The following CDH1 variants were observed in gnomAD, a reference collection of about 807,000 sequenced individuals.
CDH1 encodes the protein cadherin 1, also known as cadherin-1.
A neutral mutation model predicts 84.5 loss-of-function variants in CDH1; 35 were observed. The ratio of observed to expected loss-of-function variants is 0.41; its 90% CI spans 0.32 to 0.55. The LOEUF (loss-of-function observed/expected upper bound fraction) is 0.55, where lower values mean the gene tolerates loss of function less well. CDH1 is among the 20% of genes least tolerant of loss of function. The probability of loss-of-function intolerance (pLI) is 0.19; values close to 1 mark genes in which losing one functional copy is unlikely to be tolerated. For missense variants in CDH1, 994 were observed against 1,126.6 expected (o/e 0.88, Z 1.68); for synonymous variants, 417 against 439.0 (o/e 0.95, Z 0.63).
intron 2 of CDH1, among the ~76,000 whole-genome samples, chr16:68,760,378 C>T (rs980311373): frequency 4.0e-5 from 6 of 148,814 alleles, no homozygotes; most frequent in Admixed American, 1.4e-4. Flanking sequence ...CCTCCCAAAG[C>T]ACTGGGATTA....
At chr16:68,823,073 A>C in intron 12 of CDH1, 2 of 309,836 alleles carry the variant, frequency 6.5e-6, no homozygotes, top group African/African-American at 4.4e-5. Flanking sequence ...CGGGCTGGGC[A>C]AAAAGGTTCA....
In CDH1 at chr16:68,737,332, G is replaced by A. The variant is rs374268061; in HGVS notation, c.-84G>A. On this transcript the variant is annotated 5_prime_UTR_variant, in exon 1 of 16. Coordinates refer to ENST00000261769, the MANE Select transcript of CDH1 (RefSeq NM_004360.5). The stretch of plus-strand genomic sequence containing the variant: ...GCAAAGCACCTGTGAGCTTGCGGAA[G>A]TCAGTTCAGACTCCAGCCCGCTCCA... 831 of 1,174,648 alleles carry A rather than the reference G, an allele frequency of 7.1e-4. 13 individuals are homozygous for A. The African/African-American group carries it at 0.012, about 17-fold the overall frequency. 72.8% of individuals were successfully genotyped at this position (1,174,648 alleles called of 1,614,324 possible). A position where few individuals can be genotyped will look rare whatever the true frequency, so the allele number is the denominator to read the frequency against.
chr16:68,792,269 G>A lies in CDH1; in HGVS notation c.164-9401G>A, dbSNP rs376304347. On this transcript the variant is annotated intron_variant, in intron 2 of 15. Transcript: ENST00000261769. ...TTTTGAGATGGAGTCTTGCTCTGTC[G>A]CCCAGGCTGGAGGGCAGTGGCGCAA... Among the ~76,000 whole-genome samples, 25 of 143,952 alleles carry A rather than the reference G, an allele frequency of 1.7e-4. No individual in the cohort carries two copies. The East Asian group carries it at 3.2e-3, about 19-fold the overall frequency. 94.4% of individuals were successfully genotyped at this position (143,952 alleles called of 152,430 possible).
At chr16:68,739,610 T>A (rs1156876394) in intron 2 of CDH1, among the ~76,000 whole-genome samples, 14 of 246 alleles carry the variant, frequency 0.057, no homozygotes, top group South Asian at 0.32. Context: ...GAATAATGAT[T>A]TTTTTTTTTT....
intron 14 of CDH1, among the ~76,000 whole-genome samples, chr16:68,829,183 T>C (rs1961410524): frequency 1.3e-5 from 2 of 152,228 alleles, no homozygotes; most frequent in African/African-American, 4.8e-5. Flanking sequence ...TGAATGGCTC[T>C]AACCTGTGAA....
In CDH1 at chr16:68,833,298, A is replaced by C. The variant is rs762704513; in HGVS notation, c.2448A>C (p.Lys816Asn). 7 of 1,613,984 alleles carry C rather than the reference A, an allele frequency of 4.3e-6. No homozygotes were observed. In the South Asian group the frequency reaches 7.7e-5, roughly 18 times the overall value. ...EIGNFIDENL[K>N]AADTDPTAPP... ...TGTCCCTTCTTCTTTAGAATCTGAA[A>C]GCGGCTGATACTGACCCCACAGCCC... Residue 816 changes from lysine (K) to asparagine (N), a missense_variant, in exon 16 of 16, where the codon AAA becomes AAC. Around this residue, in one of 3 missense-constraint regions of CDH1, gnomAD observed 769 missense variants for 881.8 expected, o/e 0.87. Coordinates refer to ENST00000261769, the MANE Select transcript of CDH1 (RefSeq NM_004360.5).
intron 5 of CDH1, 120 bp from the exon 6 acceptor site, chr16:68,810,077 G>C: frequency 1.0e-6 from 1 of 973,956 alleles, no homozygotes; most frequent in South Asian, 1.3e-5. Context: ...TCACCCACTG[G>C]GGGTCTCAGA....
At chr16:68,789,912 C>G (rs981909804) in intron 2 of CDH1, among the ~76,000 whole-genome samples, 1 of 152,002 alleles carries the variant, frequency 6.6e-6, no homozygotes, top group South Asian at 2.1e-4. Flanking sequence ...CAAAATTAAC[C>G]GGGCATGGTG....
At chr16:68,773,008 A>T (rs1394362069) in intron 2 of CDH1, among the ~76,000 whole-genome samples, 1 of 152,226 alleles carries the variant, frequency 6.6e-6, no homozygotes, top group Non-Finnish European at 1.5e-5. Context: ...CTTCATCGTA[A>T]TACATTAGAC....
rs1962922617 is a variant in CDH1 at position 68,753,000 on chromosome 16, G to A, written c.163+14589G>A. ...ATGTCTGTTCTTCCAGTTTTTGGCA[G>A]TGCAGAGGAGCCTGGAAAGAGCTTG... On this transcript the variant is annotated intron_variant, in intron 2 of 15. Transcript: ENST00000261769. Among the ~76,000 whole-genome samples the A allele has an allele frequency of 2.6e-5, 4 of 152,084 alleles. 1 individual carries two copies. The South Asian group carries it at 8.3e-4, about 32-fold the overall frequency.
chr16:68,813,701 G>C, intron 9 of CDH1: 1 of 698,130 alleles, frequency 1.4e-6, no homozygotes, highest in Non-Finnish European at 2.6e-6. Flanking sequence ...GGTGGCTCAC[G>C]CCTGTAATCC....
intron 2 of CDH1, among the ~76,000 whole-genome samples, chr16:68,738,867 C>G (rs892560069): frequency 1.4e-5 from 2 of 146,834 alleles, no homozygotes; most frequent in African/African-American, 5.1e-5. Context: ...TAAGCACCAT[C>G]TCTGGGATGA....
chr16:68,772,290 G>T (rs1279373309), intron 2 of CDH1, among the ~76,000 whole-genome samples: 1 of 152,220 alleles, frequency 6.6e-6, no homozygotes, highest in Non-Finnish European at 1.5e-5. Context: ...GCCATGCATG[G>T]AAGGGCGGGG....
At chr16:68,765,110 G>A (rs1383173839) in intron 2 of CDH1, 1 of 152,228 alleles carries the variant, frequency 6.6e-6, no homozygotes, top group Non-Finnish European at 1.5e-5. Context: ...AGATAAGGCA[G>A]CTGCAGTTTC....
At chr16:68,748,274 G>A (rs1440064851) in intron 2 of CDH1, among the ~76,000 whole-genome samples, 1 of 151,428 alleles carries the variant, frequency 6.6e-6, no homozygotes, top group East Asian at 2.0e-4. Context: ...CACCACACCT[G>A]GCTAACTTTG....
At chr16:68,813,647 G>C (rs1323409594) in intron 9 of CDH1, 152 bp downstream of exon 9, 3 of 795,808 alleles carry the variant, frequency 3.8e-6, no homozygotes, top group Non-Finnish European at 6.7e-6. Context: ...ATTTGCAGTG[G>C]CTCTTCCTGC....
rs765879351 is a variant in CDH1 at position 68,801,749 on chromosome 16, T to C, written c.243T>C (p.Gly81=). 22 of 1,614,068 alleles carry C rather than the reference T, an allele frequency of 1.4e-5. No individual in the cohort carries two copies. The South Asian group carries it at 2.1e-4, about 15-fold the overall frequency. The change falls in exon 3 of 16, where the codon GGT becomes GGC. Residue 81 remains glycine (G), a synonymous_variant. Transcript: ENST00000261769. Reference sequence around the variant, plus strand: ...CCCGATTCAAAGTGGGCACAGATGGTGTGATTACAGTCAAAAGGCCTCTAC... The same window carrying C: ...CCCGATTCAAAGTGGGCACAGATGGCGTGATTACAGTCAAAAGGCCTCTAC... The part of the protein sequence containing the change: ...LDTRFKVGTD[G]VITVKRPLRF...
intron 11 of CDH1, among the ~76,000 whole-genome samples, chr16:68,820,659 A>C (rs147809657): frequency 6.6e-6 from 1 of 152,138 alleles, no homozygotes; most frequent in African/African-American, 2.4e-5. Flanking sequence ...CTGCTGTTTA[A>C]TTTTTATGTC....
At chr16:68,737,730 G>A (rs1034332073) in intron 1 of CDH1, among the ~76,000 whole-genome samples, 21 of 152,136 alleles carry the variant, frequency 1.4e-4, no homozygotes, top group Admixed American at 6.5e-5. Context: ...TCCGCGGGGT[G>A]GGCTCGCGCG....
Sources: gnomAD v4.1 joint callset for allele counts (sites outside exome capture counted in the v4.1 genomes callset) on GRCh38, gnomAD v4.1.1 for gene constraint, gnomAD v4.1.1 regional missense constraint, MANE v1.5 for transcripts, NCBI Gene and HGNC (gene_info 2026-07-23, HGNC 2026-07-21) for gene names.